The following AGBL4 variants were observed in gnomAD, a reference collection of about 807,000 sequenced individuals.
AGBL4 encodes the protein cytosolic carboxypeptidase 6.
Under a neutral mutation model 66.4 loss-of-function variants are expected in AGBL4, and 58 were observed. The observed-to-expected ratio is 0.87, with a 90% CI of 0.71 to 1.09. The LOEUF (loss-of-function observed/expected upper bound fraction) is 1.09. Ranked by LOEUF, AGBL4 falls within the 50% of genes least tolerant of loss-of-function variation. The pLI is 0.00. For missense variants in AGBL4, 579 were observed against 631.0 expected (o/e 0.92, Z 0.88); for synonymous variants, 234 against 222.9 (o/e 1.05, Z -0.44).
intron 1 of AGBL4, among the ~76,000 whole-genome samples, chr1:49,941,676 A>T (rs1654771313): frequency 6.6e-6 from 1 of 152,110 alleles, no homozygotes; most frequent in South Asian, 2.1e-4. Flanking sequence ...ACAAAATTAA[A>T]AATCTGTTCA....
At chr1:49,659,484 A>G (rs1311051514) in intron 3 of AGBL4, among the ~76,000 whole-genome samples, 1 of 152,224 alleles carries the variant, frequency 6.6e-6, no homozygotes, top group East Asian at 1.9e-4. Context: ...AACAGAAAAA[A>G]GCAGAAGTTG....
intron 3 of AGBL4, among the ~76,000 whole-genome samples, chr1:49,438,791 G>A (rs1645961102): frequency 6.6e-6 from 1 of 152,176 alleles, no homozygotes; most frequent in Admixed American, 6.5e-5. Flanking sequence ...TGTCTGTTTT[G>A]TGTTGCTATA....
At chr1:48,786,980 G>A (rs1645424672) in intron 6 of AGBL4, among the ~76,000 whole-genome samples, 1 of 152,152 alleles carries the variant, frequency 6.6e-6, no homozygotes, top group Non-Finnish European at 1.5e-5. Flanking sequence ...CTTGTGCTAG[G>A]CTTTATGTAC....
intron 6 of AGBL4, among the ~76,000 whole-genome samples, chr1:48,692,153 G>A (rs1646642697): frequency 6.6e-6 from 1 of 152,206 alleles, no homozygotes; most frequent in East Asian, 1.9e-4. Context: ...AGGGAGGAAG[G>A]AGAGAGGAAG....
At chr1:48,758,960 T>G (rs1352792556) in intron 6 of AGBL4, 1 of 1,603,678 alleles carries the variant, frequency 6.2e-7, no homozygotes, top group Admixed American at 1.7e-5. Flanking sequence ...CGGAGCTCCT[T>G]CATTTCAGAC....
chr1:48,671,014 G>T (rs1270146249), intron 6 of AGBL4, among the ~76,000 whole-genome samples: 1 of 152,220 alleles, frequency 6.6e-6, no homozygotes, highest in Non-Finnish European at 1.5e-5. Context: ...GAGGCAAGGG[G>T]GCTGGCCCTG....
chr1:49,741,011 C>A (rs1337540311), intron 2 of AGBL4, among the ~76,000 whole-genome samples: 2 of 152,044 alleles, frequency 1.3e-5, no homozygotes, highest in African/African-American at 4.8e-5. Flanking sequence ...AGAGAAAACA[C>A]ATTCAAAAGC....
At chr1:48,719,389 C>T (rs989194612) in intron 6 of AGBL4, among the ~76,000 whole-genome samples, 8 of 152,202 alleles carry the variant, frequency 5.3e-5, no homozygotes, top group Non-Finnish European at 1.2e-4. Context: ...GGGGGGTGGG[C>T]ATCTGCCCCT....
At chr1:49,412,392 G>A (rs1645334587) in intron 3 of AGBL4, among the ~76,000 whole-genome samples, 1 of 152,088 alleles carries the variant, frequency 6.6e-6, no homozygotes, top group Non-Finnish European at 1.5e-5. Flanking sequence ...TGGGATTAGT[G>A]AGTCTCCAGC....
chr1:49,570,155 CT>C lies in AGBL4; in HGVS notation c.282+127157del, dbSNP rs908046583. On this transcript the variant is annotated intron_variant, in intron 3 of 13. Coordinates refer to ENST00000371839, the MANE Select transcript of AGBL4 (RefSeq NM_032785.4). ...TTTAGTTCTTTGAGAATGCTTCATACTTTTTTTTCCCATGGAGGTTATACTA... is the reference window on the plus strand; with the variant it reads ...TTTAGTTCTTTGAGAATGCTTCATACTTTTTTTCCCATGGAGGTTATACTA... 1.6e-4 allele frequency among the ~76,000 whole-genome samples: 24 copies of C among 152,040 alleles called. No individual in the cohort carries two copies. The South Asian group carries it at 3.5e-3, about 22-fold the overall frequency.
chr1:49,140,236 A>G (rs1383286940), intron 4 of AGBL4, among the ~76,000 whole-genome samples: 1 of 152,226 alleles, frequency 6.6e-6, no homozygotes, highest in Non-Finnish European at 1.5e-5. Context: ...ATCATTTATG[A>G]GGTACATTCC....
chr1:48,550,709 C>A (rs990842517), intron 11 of AGBL4, among the ~76,000 whole-genome samples: 7 of 152,140 alleles, frequency 4.6e-5, no homozygotes, highest in Non-Finnish European at 1.0e-4. Context: ...CTGGCATACC[C>A]AGGATGAAGG....
intron 3 of AGBL4, among the ~76,000 whole-genome samples, chr1:49,274,563 CCA>C (rs1299405107): frequency 2.0e-5 from 3 of 152,044 alleles, no homozygotes; most frequent in Non-Finnish European, 4.4e-5. Context: ...CTTTTTAAAT[CCA>C]CAGACAAATT....
At chr1:49,596,081 A>G (rs1438189223) in intron 3 of AGBL4, among the ~76,000 whole-genome samples, 2 of 152,160 alleles carry the variant, frequency 1.3e-5, no homozygotes, top group African/African-American at 4.8e-5. Flanking sequence ...AAAAACCCAC[A>G]GGTAGTAAAA....
chr1:48,621,413 A>G (rs562337529), intron 9 of AGBL4, among the ~76,000 whole-genome samples: 17 of 152,192 alleles, frequency 1.1e-4, no homozygotes, highest in Non-Finnish European at 2.4e-4. Context: ...TTTATAAAAT[A>G]AAGCTCCTCC....
chr1:49,280,594 T>A (rs961210559), intron 3 of AGBL4, among the ~76,000 whole-genome samples: 9 of 152,260 alleles, frequency 5.9e-5, no homozygotes, highest in Admixed American at 3.3e-4. Flanking sequence ...ACTCCAAATG[T>A]CAAGTTCAAG....
intron 3 of AGBL4, among the ~76,000 whole-genome samples, chr1:49,558,789 C>A (rs1431552540): frequency 6.6e-6 from 1 of 152,146 alleles, no homozygotes; most frequent in Non-Finnish European, 1.5e-5. Context: ...AAAGGAACAT[C>A]AACAGTATTC....
chr1:48,816,099 A>G (rs1646171191), intron 6 of AGBL4, among the ~76,000 whole-genome samples: 1 of 151,746 alleles, frequency 6.6e-6, no homozygotes, highest in African/African-American at 2.4e-5. Flanking sequence ...GTGTAGAGAG[A>G]AAGAGAGAGA....
At chr1:48,993,455 C>CTGAGCTG (rs1296628804) in intron 5 of AGBL4, among the ~76,000 whole-genome samples, 2 of 152,082 alleles carry the variant, frequency 1.3e-5, no homozygotes, top group African/African-American at 2.4e-5. Context: ...TGTGTTGGAG[C>CTGAGCTG]TGAGCTGTGA....
Sources: gnomAD v4.1 joint callset for allele counts (sites outside exome capture counted in the v4.1 genomes callset) on GRCh38, gnomAD v4.1.1 for gene constraint, MANE v1.5 for transcripts, NCBI Gene and HGNC (gene_info 2026-07-23, HGNC 2026-07-21) for gene names.